GNB5: variants seen among roughly 807,000 people sequenced by gnomAD.
GNB5 encodes G protein subunit beta 5, also known as guanine nucleotide-binding protein subunit beta-5.
Under a neutral mutation model 55.3 loss-of-function variants are expected in GNB5, and 37 were observed. The observed-to-expected ratio is 0.67, with a 90% CI of 0.51 to 0.88. The LOEUF is 0.88. GNB5 is among the 40% of genes least tolerant of loss of function. The pLI is 0.00. For synonymous variants in GNB5, 219 were observed against 198.5 expected (o/e 1.10, Z -0.87); for missense variants, 476 against 515.3 (o/e 0.92, Z 0.74).
intron 3 of GNB5, among the ~76,000 whole-genome samples, chr15:52,177,226 G>C (rs1485657263): frequency 6.6e-6 from 1 of 151,148 alleles, no homozygotes; most frequent in East Asian, 2.0e-4. Flanking sequence ...GTAGAGACGG[G>C]GTTTCACCAT....
At chr15:52,148,404 C>T (rs1239856916) in intron 5 of GNB5, among the ~76,000 whole-genome samples, 1 of 152,044 alleles carries the variant, frequency 6.6e-6, no homozygotes, top group African/African-American at 2.4e-5. Context: ...AAGAACTAAG[C>T]ACAACAGTCC....
At chr15:52,171,992 C>T in intron 3 of GNB5, among the ~76,000 whole-genome samples, 1 of 152,170 alleles carries the variant, frequency 6.6e-6, no homozygotes, top group Non-Finnish European at 1.5e-5. Context: ...CCACACAGCC[C>T]CAGGAGGCTG....
intron 10 of GNB5, among the ~76,000 whole-genome samples, chr15:52,127,960 A>C (rs2033469613): frequency 6.6e-6 from 1 of 152,234 alleles, no homozygotes; most frequent in African/African-American, 2.4e-5. Flanking sequence ...CATTCTGTTA[A>C]GTGAAAATGC....
At chr15:52,148,440 A>C (rs2034022806) in intron 5 of GNB5, among the ~76,000 whole-genome samples, 1 of 152,096 alleles carries the variant, frequency 6.6e-6, no homozygotes, top group South Asian at 2.1e-4. Flanking sequence ...ACAGAGGAAG[A>C]ATGAGAACCA....
intron 9 of GNB5, among the ~76,000 whole-genome samples, chr15:52,129,394 T>C (rs115119987): frequency 0.011 from 1,686 of 152,280 alleles, 26 homozygotes; most frequent in African/African-American, 0.039. Flanking sequence ...AGAGGGAAGC[T>C]TGACTTTGTG....
At chr15:52,144,936 C>T (rs143558481) in intron 6 of GNB5, among the ~76,000 whole-genome samples, 2 of 152,274 alleles carry the variant, frequency 1.3e-5, no homozygotes, top group East Asian at 3.9e-4. Context: ...CCAGGGGTCT[C>T]CTCCTTTGGT....
chr15:52,153,192 CT>C (rs2034137316), intron 4 of GNB5, among the ~76,000 whole-genome samples: 1 of 152,234 alleles, frequency 6.6e-6, no homozygotes, highest in East Asian at 1.9e-4. Flanking sequence ...TCTGCCCCTT[CT>C]TGTGGATCAC....
chr15:52,155,650 A>C (rs1053391328), intron 3 of GNB5, among the ~76,000 whole-genome samples: 1 of 152,178 alleles, frequency 6.6e-6, no homozygotes, highest in African/African-American at 2.4e-5. Context: ...TTTAGCCTCC[A>C]GTTATATTTA....
chr15:52,125,917 C>T (rs2033412252), intron 11 of GNB5, 31 bp downstream of exon 11: 1 of 901,428 alleles, frequency 1.1e-6, no homozygotes, highest in South Asian at 1.4e-5. Context: ...GTCTTACAGT[C>T]CTGGGAAAAG....
chr15:52,170,311 C>A (rs891496248), intron 3 of GNB5, among the ~76,000 whole-genome samples: 2 of 151,894 alleles, frequency 1.3e-5, no homozygotes, highest in African/African-American at 4.8e-5. Flanking sequence ...TGAAATGAAC[C>A]CAAATGGTCA....
Position 52,165,899 on chromosome 15 carries a change from A to C in GNB5, c.239-11823T>G, listed in dbSNP as rs117061049. On this transcript the variant is annotated intron_variant, in intron 3 of 12. Coordinates refer to ENST00000261837, the MANE Select transcript of GNB5 (RefSeq NM_016194.4). ...CTCCAATTAAAAGACACAGAATGGC[A>C]AGCTGGATCGAGTCCAGACTCATTG... Among the ~76,000 whole-genome samples the C allele has an allele frequency of 2.0e-3, 309 of 152,366 alleles. 10 individuals carry two copies. Among genetic ancestry groups the C allele is most frequent in the East Asian group, 0.014 (75 of 5,190 alleles).
chr15:52,149,821 G>T, intron 5 of GNB5, 63 bp downstream of exon 5: 1 of 1,229,450 alleles, frequency 8.1e-7, no homozygotes, highest in Non-Finnish European at 1.2e-6. Context: ...AGCTGGACCA[G>T]AGCACCTTTA....
Position 52,119,522 on chromosome 15 carries a change from G to A in GNB5, c.*3235C>T, listed in dbSNP as rs2033216970. The A allele has an allele frequency of 7.7e-6, 1 of 130,318 alleles. No individual in the cohort carries two copies. The highest frequency in any genetic ancestry group is 1.6e-5 in the Non-Finnish European group (1 of 60,796). 8.1% of individuals were successfully genotyped at this position (130,318 alleles called of 1,614,324 possible). A position where few individuals can be genotyped will look rare whatever the true frequency, so the allele number is the denominator to read the frequency against. On this transcript the variant is annotated 3_prime_UTR_variant, in exon 13 of 13. Transcript: ENST00000261837. Reference sequence around the variant, plus strand: ...GAGGGAGGAGGAGGGGAAGGGAAGAGAAAGAGGGAAGATAGGTGGAGGGAG... The same window carrying A: ...GAGGGAGGAGGAGGGGAAGGGAAGAAAAAGAGGGAAGATAGGTGGAGGGAG...
At chr15:52,128,085 C>G (rs888935302) in intron 10 of GNB5, 111 bp downstream of exon 10, 3 of 638,206 alleles carry the variant, frequency 4.7e-6, no homozygotes, top group Non-Finnish European at 8.2e-6. Context: ...CCTAAATTTT[C>G]TTTATTGAAT....
At chr15:52,141,937 T>G (rs1283797545) in intron 6 of GNB5, among the ~76,000 whole-genome samples, 1 of 150,232 alleles carries the variant, frequency 6.7e-6, no homozygotes, top group Non-Finnish European at 1.5e-5. Flanking sequence ...TCATTTGTTA[T>G]GTCTTTTTAA....
At position 52,116,522 on chromosome 15, in the gene GNB5, A is replaced by G. The variant is rs1163194670; in HGVS notation, c.*6235T>C. 1 of 152,156 alleles carries G rather than the reference A, an allele frequency of 6.6e-6. No individual in the cohort carries two copies. Among genetic ancestry groups the G allele is most frequent in the Non-Finnish European group, 1.5e-5 (1 of 68,030 alleles). 9.4% of individuals were successfully genotyped at this position (152,156 alleles called of 1,614,324 possible). A position where few individuals can be genotyped will look rare whatever the true frequency, so the allele number is the denominator to read the frequency against. ...GTGTGTTATTTTGATACATGTATAC[A>G]ATGTGTAATGATCAGGGTAATTAGC... On this transcript the variant is annotated 3_prime_UTR_variant, in exon 13 of 13. Coordinates refer to ENST00000261837, the MANE Select transcript of GNB5 (RefSeq NM_016194.4).
chr15:52,182,459 A>G (rs1781760283), intron 2 of GNB5, among the ~76,000 whole-genome samples: 1 of 152,190 alleles, frequency 6.6e-6, no homozygotes, highest in Admixed American at 6.5e-5. Flanking sequence ...TGTGTAAAAT[A>G]AACCTCGAAC....
At chr15:52,181,878 CTA>C (rs893826510) in intron 2 of GNB5, among the ~76,000 whole-genome samples, 29 of 151,724 alleles carry the variant, frequency 1.9e-4, no homozygotes, top group East Asian at 9.7e-4. Context: ...TCTGTATAAA[CTA>C]TGTTAAAAAT....
At chr15:52,170,272 T>C (rs372875468) in intron 3 of GNB5, among the ~76,000 whole-genome samples, 14 of 152,238 alleles carry the variant, frequency 9.2e-5, no homozygotes, top group African/African-American at 1.4e-4. Context: ...CGAATGTTCA[T>C]TGCAGCACTA....
Sources: gnomAD v4.1 joint callset for allele counts (sites outside exome capture counted in the v4.1 genomes callset) on GRCh38, gnomAD v4.1.1 for gene constraint, MANE v1.5 for transcripts, NCBI Gene and HGNC (gene_info 2026-07-23, HGNC 2026-07-21) for gene names.